The following TENM4 variants were observed in gnomAD, a reference collection of about 807,000 sequenced individuals.
TENM4 encodes teneurin-4.
A neutral mutation model predicts 243.3 loss-of-function variants in TENM4; 82 were observed. The observed-to-expected ratio is 0.34, with a 90% confidence interval of 0.28 to 0.40. The LOEUF (loss-of-function observed/expected upper bound fraction) is 0.40. Among genes scored for constraint, TENM4 ranks in the 10% least tolerant of loss-of-function variants. TENM4 has a pLI of 1.00. For missense variants in TENM4, 3,138 were observed against 3,673.3 expected (o/e 0.85, Z 3.77); for synonymous variants, 1,412 against 1,456.3 (o/e 0.97, Z 0.69).
intron 6 of TENM4, among the ~76,000 whole-genome samples, chr11:79,038,856 G>C (rs1374313927): frequency 6.6e-6 from 1 of 152,190 alleles, no homozygotes; most frequent in Non-Finnish European, 1.5e-5. Flanking sequence ...AGCCAGGGAA[G>C]GGAAAGAGCT....
chr11:78,736,484 G>GCA (rs1293303794), intron 20 of TENM4, among the ~76,000 whole-genome samples: 16 of 150,328 alleles, frequency 1.1e-4, no homozygotes, highest in African/African-American at 4.0e-4. Flanking sequence ...GTGTGTGCGC[G>GCA]CGCGTGCATG....
chr11:79,081,534 G>GGTGT (rs56237099), intron 4 of TENM4, among the ~76,000 whole-genome samples: 2,047 of 148,052 alleles, frequency 0.014, 19 homozygotes, highest in Non-Finnish European at 0.019. Flanking sequence ...TGTCAGAGGT[G>GGTGT]GTGTGTGTGT....
intron 3 of TENM4, among the ~76,000 whole-genome samples, chr11:79,174,290 C>T (rs631594): frequency 0.21 from 32,658 of 151,902 alleles, 4,185 homozygotes; most frequent in Non-Finnish European, 0.29. Flanking sequence ...GTACATGATG[C>T]TCTCGGGGGA....
chr11:79,366,256 G>A (rs1007778830), intron 1 of TENM4, among the ~76,000 whole-genome samples: 2 of 152,186 alleles, frequency 1.3e-5, no homozygotes, highest in African/African-American at 4.8e-5. Context: ...CCTTCTCCAA[G>A]ACTCTTCTCA....
intron 32 of TENM4, 53 bp from the exon 33 acceptor site, chr11:78,661,644 C>G: frequency 6.3e-7 from 1 of 1,591,430 alleles, no homozygotes; most frequent in Admixed American, 1.7e-5. Flanking sequence ...ACCTCATTTG[C>G]AACCCATCCC....
intron 2 of TENM4, among the ~76,000 whole-genome samples, chr11:79,296,144 T>C (rs1399132816): frequency 6.6e-6 from 1 of 152,158 alleles, no homozygotes; most frequent in African/African-American, 2.4e-5. Flanking sequence ...AGCTTCATCC[T>C]CAAGAAGTTG....
intron 4 of TENM4, among the ~76,000 whole-genome samples, chr11:79,113,374 TC>T (rs942508050): frequency 1.4e-5 from 2 of 147,352 alleles, no homozygotes; most frequent in African/African-American, 5.0e-5. Flanking sequence ...TCTGAGTTAC[TC>T]CCCCGCCTAT....
intron 20 of TENM4, among the ~76,000 whole-genome samples, chr11:78,736,437 T>C (rs1326930570): frequency 6.8e-6 from 1 of 146,242 alleles, no homozygotes; most frequent in Admixed American, 7.1e-5. Flanking sequence ...AAGTCTGGGA[T>C]TTCAGCAAGT....
intron 4 of TENM4, among the ~76,000 whole-genome samples, chr11:79,142,783 A>C (rs189025451): frequency 6.6e-6 from 1 of 152,256 alleles, no homozygotes; most frequent in Admixed American, 6.5e-5. Flanking sequence ...ATAAAAACAG[A>C]CACATAGACC....
At chr11:79,379,325 C>T (rs1013948431) in intron 1 of TENM4, among the ~76,000 whole-genome samples, 3 of 152,160 alleles carry the variant, frequency 2.0e-5, no homozygotes, top group East Asian at 3.9e-4. Context: ...AATTGTGATG[C>T]TAAACCTACT....
chr11:79,271,332 T>A (rs1855965744), intron 2 of TENM4, among the ~76,000 whole-genome samples: 1 of 152,220 alleles, frequency 6.6e-6, no homozygotes, highest in African/African-American at 2.4e-5. Context: ...AGACTTTTTC[T>A]TGTCTTTCTA....
chr11:78,773,736 G>C (rs1726812927), intron 17 of TENM4, among the ~76,000 whole-genome samples: 2 of 152,210 alleles, frequency 1.3e-5, no homozygotes, highest in African/African-American at 2.4e-5. Context: ...AAAAATAGGT[G>C]ATGGGCCCGA....
chr11:79,225,401 G>C (rs571844385), intron 2 of TENM4, among the ~76,000 whole-genome samples: 52 of 152,202 alleles, frequency 3.4e-4, no homozygotes, highest in South Asian at 3.3e-3. Context: ...TTGGATTCTT[G>C]AGATGGTATT....
At chr11:78,700,884 T>A (rs1859085462) in intron 28 of TENM4, among the ~76,000 whole-genome samples, 1 of 152,172 alleles carries the variant, frequency 6.6e-6, no homozygotes, top group Non-Finnish European at 1.5e-5. Flanking sequence ...TATCCTCATT[T>A]CCCTACTTCC....
At chr11:79,246,658 C>G (rs1488378563) in intron 2 of TENM4, among the ~76,000 whole-genome samples, 1 of 152,058 alleles carries the variant, frequency 6.6e-6, no homozygotes, top group South Asian at 2.1e-4. Flanking sequence ...GGGTCAGATA[C>G]AGAGAGATAT....
intron 1 of TENM4, among the ~76,000 whole-genome samples, chr11:79,366,593 A>T (rs1338540285): frequency 6.6e-6 from 1 of 152,176 alleles, no homozygotes; most frequent in Non-Finnish European, 1.5e-5. Flanking sequence ...TCCAAAGGTA[A>T]TGTAACCAAT....
At chr11:78,670,636 A>G (rs1398345041) in intron 31 of TENM4, 85 bp from the exon 32 acceptor site, 4 of 1,282,786 alleles carry the variant, frequency 3.1e-6, no homozygotes, top group African/African-American at 1.5e-5. Flanking sequence ...AAAGGGACGG[A>G]ATGAATGTCC....
chr11:79,263,916 G>A (rs548070544), intron 2 of TENM4, among the ~76,000 whole-genome samples: 32 of 152,194 alleles, frequency 2.1e-4, no homozygotes, highest in African/African-American at 7.0e-4. Flanking sequence ...CATGGCCTAC[G>A]GGGCTTCGCA....
intron 15 of TENM4, among the ~76,000 whole-genome samples, chr11:78,804,528 C>CG (rs754191731): frequency 1.3e-5 from 2 of 152,162 alleles, no homozygotes; most frequent in Non-Finnish European, 2.9e-5. Flanking sequence ...AGGTGACTCA[C>CG]GTATGTTCCC....
Sources: allele counts gnomAD v4.1 joint callset (sites outside exome capture counted in the v4.1 genomes callset), GRCh38; gene constraint gnomAD v4.1.1; transcripts MANE v1.5; gene names NCBI Gene and HGNC (gene_info 2026-07-23, HGNC 2026-07-21).